Variants in USP13 observed in about 807,000 individuals in gnomAD.
The protein encoded by USP13 is ubiquitin carboxyl-terminal hydrolase 13.
USP13 carries 68 observed loss-of-function variants against 107.8 expected under a neutral mutation model. The observed-to-expected ratio is 0.63, with a 90% confidence interval of 0.52 to 0.77. The LOEUF (loss-of-function observed/expected upper bound fraction) is 0.77. USP13 is among the 30% of genes least tolerant of loss of function. USP13 has a pLI of 0.00. For missense variants in USP13, 945 were observed against 1,093.3 expected, an observed-to-expected ratio of 0.86 and a Z score of 1.91; for synonymous variants, 377 against 389.5, an observed-to-expected ratio of 0.97 and a Z score of 0.38.
intron 1 of USP13, among the ~76,000 whole-genome samples, chr3:179,671,511 C>T (rs527938439): frequency 3.8e-4 from 58 of 152,248 alleles, no homozygotes; most frequent in Non-Finnish European, 5.7e-4. Context: ...GAAGAGTGTG[C>T]ATGTCATGTA....
Position 179,784,279 on chromosome 3 carries a change from C to T in USP13, c.*138C>T, listed in dbSNP as rs568611709. ...TTATCGTTTATTTAAAGAGCACGAT[C>T]AGTTGACACCTTCTGAAATAGAACT... is the stretch of plus-strand genomic sequence containing the variant. On this transcript the variant is annotated 3_prime_UTR_variant, in exon 21 of 21. Coordinates refer to ENST00000263966, the MANE Select transcript of USP13 (RefSeq NM_003940.3). 6.2e-5 allele frequency: 38 copies of T among 616,524 alleles called. No individual in the cohort carries two copies. The African/African-American group carries it at 7.0e-4, about 11-fold the overall frequency. 38.2% of individuals were successfully genotyped at this position (616,524 alleles called of 1,614,324 possible).
At chr3:179,670,647 C>G (rs2108443034) in intron 1 of USP13, among the ~76,000 whole-genome samples, 1 of 152,172 alleles carries the variant, frequency 6.6e-6, no homozygotes, top group South Asian at 2.1e-4. Flanking sequence ...TTATTAATAT[C>G]AAATTATTGG....
chr3:179,691,124 GC>G, intron 3 of USP13, among the ~76,000 whole-genome samples: 1 of 149,726 alleles, frequency 6.7e-6, no homozygotes. Flanking sequence ...AGCTATGATT[GC>G]CACTGCACTC....
At chr3:179,765,572 C>A in intron 18 of USP13, 123 bp from the exon 19 acceptor site, 1 of 1,208,190 alleles carries the variant, frequency 8.3e-7, no homozygotes. Flanking sequence ...CTCAGTGGCA[C>A]TTAGGACTAA....
At position 179,755,329 on chromosome 3, in the gene USP13, C is replaced by G. The variant is rs1714751707; in HGVS notation, c.1921+475C>G. The stretch of plus-strand genomic sequence containing the variant: ...TTTTTTTTTGAGGTGGAGCCTTGCT[C>G]TGTTGCCCAGGCTGGAGTGCAGTGG... On this transcript the variant is annotated intron_variant, in intron 15 of 20. Coordinates refer to ENST00000263966, the MANE Select transcript of USP13 (RefSeq NM_003940.3). Among the ~76,000 whole-genome samples the G allele has an allele frequency of 2.0e-5, 3 of 151,810 alleles. No homozygotes were observed. In the South Asian group the frequency reaches 6.2e-4, roughly 31 times the overall value.
At chr3:179,773,482 A>G (rs1312092579) in intron 19 of USP13, among the ~76,000 whole-genome samples, 1 of 152,204 alleles carries the variant, frequency 6.6e-6, no homozygotes, top group African/African-American at 2.4e-5. Flanking sequence ...AGATGCTATA[A>G]TGGCTTATAA....
Position 179,653,220 on chromosome 3 carries a change from G to T in USP13, c.-6G>T, listed in dbSNP as rs200016596. ...GGCTCGCTCGGCTCCGGTGCGCGCC[G>T]AGGCCATGCAGCGCCGGGGCGCCCT... On this transcript the variant is annotated 5_prime_UTR_variant, in exon 1 of 21. Transcript: ENST00000263966. The surrounding 1 kb of genome is among the most constrained non-coding windows in gnomAD (Gnocchi z 4.0). 1 of 1,524,938 alleles carries T rather than the reference G, an allele frequency of 6.6e-7. No individual in the cohort carries two copies. The highest frequency in any genetic ancestry group is 2.0e-5 in the Admixed American group (1 of 49,628). The allele number at this position is 1,524,938 out of a possible 1,614,324, so 94.5% of individuals were successfully genotyped here. A position where few individuals can be genotyped will look rare whatever the true frequency, so the allele number is the denominator to read the frequency against.
At chr3:179,737,101 G>GAT (rs1440312705) in intron 10 of USP13, among the ~76,000 whole-genome samples, 1 of 151,988 alleles carries the variant, frequency 6.6e-6, no homozygotes, top group Admixed American at 6.5e-5. Context: ...CTTGAAGAAG[G>GAT]GTTATGCAGA....
Position 179,653,671 on chromosome 3 carries a change from A to G in USP13, c.168+278A>G. 1 of 436,766 alleles carries G rather than the reference A, an allele frequency of 2.3e-6. No homozygotes were observed. Among genetic ancestry groups the G allele is most frequent in the Middle Eastern group, 6.4e-4 (1 of 1,558 alleles). 27.1% of individuals were successfully genotyped at this position (436,766 alleles called of 1,614,324 possible). A position where few individuals can be genotyped will look rare whatever the true frequency, so the allele number is the denominator to read the frequency against. On this transcript the variant is annotated intron_variant, in intron 1 of 20. Transcript: ENST00000263966. This position sits in a 1 kb window ranked among gnomAD's most constrained non-coding sequence, Gnocchi z 4.0. ...CACAGCCCCGCCGCCGTTTAAAGAT[A>G]GATGAAATACAAGAGTTCCCTGTTC...
Position 179,785,997 on chromosome 3 carries a change from C to T in USP13, c.*1856C>T, listed in dbSNP as rs1715906322. 1 of 152,198 alleles carries T rather than the reference C, an allele frequency of 6.6e-6. No individual in the cohort carries two copies. The highest frequency in any genetic ancestry group is 6.5e-5 in the Admixed American group (1 of 15,280). The allele number at this position is 152,198 out of a possible 1,614,324, so 9.4% of individuals were successfully genotyped here. ...GGGTTGTAGTAGATGGTGCTCCCTG[C>T]CTTTTCTCCTCTGTTTTCCTCAATT... On this transcript the variant is annotated 3_prime_UTR_variant, in exon 21 of 21. Transcript: ENST00000263966.
chr3:179,730,510 G>T (rs1713763138), intron 9 of USP13, 106 bp from the exon 10 acceptor site: 2 of 964,470 alleles, frequency 2.1e-6, no homozygotes, highest in East Asian at 2.6e-5. Context: ...CAGATCAAAT[G>T]CTCCACCTAA....
At chr3:179,695,893 C>G (rs1270741003) in intron 3 of USP13, among the ~76,000 whole-genome samples, 2 of 152,110 alleles carry the variant, frequency 1.3e-5, no homozygotes, top group Non-Finnish European at 2.9e-5. Context: ...TCTGAGGCAC[C>G]CTGGAGTGCT....
intron 4 of USP13, among the ~76,000 whole-genome samples, chr3:179,701,812 G>A (rs902849277): frequency 1.1e-4 from 16 of 151,932 alleles, no homozygotes; most frequent in African/African-American, 2.2e-4. Context: ...TGGACGGACC[G>A]TAATTTTCTT....
chr3:179,780,114 C>CAG (rs961050089), intron 19 of USP13, among the ~76,000 whole-genome samples: 4 of 152,252 alleles, frequency 2.6e-5, no homozygotes, highest in African/African-American at 9.6e-5. Flanking sequence ...AAAAACCCCA[C>CAG]AGTTCACCTT....
At chr3:179,746,560 G>C (rs1576973312) in intron 13 of USP13, among the ~76,000 whole-genome samples, 4 of 152,104 alleles carry the variant, frequency 2.6e-5, no homozygotes, top group South Asian at 2.1e-4. Flanking sequence ...AGCTTCCCGA[G>C]TAGCTGGGAT....
chr3:179,689,242 C>T (rs1712014850), intron 2 of USP13, among the ~76,000 whole-genome samples: 1 of 152,160 alleles, frequency 6.6e-6, no homozygotes, highest in African/African-American at 2.4e-5. Context: ...ATGGTTTTGG[C>T]ATTATACTTG....
intron 15 of USP13, among the ~76,000 whole-genome samples, chr3:179,756,359 C>T (rs893212135): frequency 1.3e-4 from 20 of 151,838 alleles, no homozygotes; most frequent in African/African-American, 4.8e-4. Context: ...GGAGTCGAGC[C>T]GAGATTGCGC....
intron 2 of USP13, among the ~76,000 whole-genome samples, chr3:179,684,977 A>G (rs1205273697): frequency 6.6e-6 from 1 of 152,192 alleles, no homozygotes; most frequent in African/African-American, 2.4e-5. Flanking sequence ...TGTAAGCTCT[A>G]TGAGGGCAGG....
At chr3:179,675,209 A>G (rs985356987) in intron 1 of USP13, among the ~76,000 whole-genome samples, 44 of 152,028 alleles carry the variant, frequency 2.9e-4, no homozygotes, top group Non-Finnish European at 4.4e-4. Context: ...TTGAACTTGA[A>G]TGTTGACATT....
Sources: allele counts gnomAD v4.1 joint callset (sites outside exome capture counted in the v4.1 genomes callset), GRCh38; gene constraint gnomAD v4.1.1; non-coding constraint Gnocchi (gnomAD v3.1); transcripts MANE v1.5; gene names NCBI Gene and HGNC (gene_info 2026-07-23, HGNC 2026-07-21).